The following VPS37D variants were observed in gnomAD, a reference collection of about 807,000 sequenced individuals.
VPS37D encodes VPS37D subunit of ESCRT-I, also known as vacuolar protein sorting-associated protein 37D.
In VPS37D, 5 loss-of-function variants were observed where a neutral mutation model predicts 22.0. The observed-to-expected ratio is 0.23, with a 90% CI of 0.12 to 0.48. The LOEUF is 0.48. Ranked by LOEUF, VPS37D falls within the 20% of genes least tolerant of loss-of-function variation. VPS37D has a pLI of 0.99. For synonymous variants in VPS37D, 174 were observed against 159.3 expected (o/e 1.09, Z -0.69); for missense variants, 384 against 345.8 (o/e 1.11, Z -0.88).
At chr7:73,667,255 T>C (rs1273121271), upstream of VPS37D, among the ~76,000 whole-genome samples, 3 of 152,048 alleles carry the variant, frequency 2.0e-5, no homozygotes, top group Admixed American at 6.6e-5. Context: ...ATTACAGGCG[T>C]GAGCCACCGC....
At position 73,667,887 on chromosome 7, in the gene VPS37D, C is replaced by T; in HGVS notation, c.-72C>T. On this transcript the variant is annotated 5_prime_UTR_variant, in exon 1 of 4. Coordinates refer to ENST00000324941, the MANE Select transcript of VPS37D (RefSeq NM_001077621.2). ...ATCCTGGAGCCGGAGCGGAGCGGAGCGGAGCGGAGCCGGGGCGGAGCGGGC... is the reference window on the plus strand; with the variant it reads ...ATCCTGGAGCCGGAGCGGAGCGGAGTGGAGCGGAGCCGGGGCGGAGCGGGC... 4.1e-6 allele frequency: 2 copies of T among 486,814 alleles called. No individual in the cohort carries two copies. The highest frequency in any genetic ancestry group is 5.4e-6 in the Non-Finnish European group (2 of 372,180). The allele number at this position is 486,814 out of a possible 1,614,324, so 30.2% of individuals were successfully genotyped here. A position where few individuals can be genotyped will look rare whatever the true frequency, so the allele number is the denominator to read the frequency against.
chr7:73,667,806 A>T, upstream of VPS37D: 2 of 175,370 alleles, frequency 1.1e-5, no homozygotes, highest in Non-Finnish European at 2.2e-5. Context: ...CTCCTTTAAG[A>T]GCGGGAGGGG....
Position 73,671,536 on chromosome 7 carries a change from AAGAGGCCCG to A in VPS37D, c.*166_*174del, listed in dbSNP as rs1797516574. On this transcript the variant is annotated 3_prime_UTR_variant, in exon 4 of 4. Coordinates refer to ENST00000324941, the MANE Select transcript of VPS37D (RefSeq NM_001077621.2). The stretch of plus-strand genomic sequence containing the variant: ...TGAGCTGGGGAGGAGGGTCCCCTGG[AAGAGGCCCG>A]AGAGGGGGCTGGGGGTGGGTGGGCA... 3.7e-6 allele frequency: 1 copy of A among 270,930 alleles called. No homozygotes were observed. Among genetic ancestry groups the A allele is most frequent in the African/African-American group, 2.3e-5 (1 of 43,802 alleles). The allele number at this position is 270,930 out of a possible 1,614,324, so 16.8% of individuals were successfully genotyped here.
intron 2 of VPS37D, 60 bp from the exon 3 acceptor site, chr7:73,669,960 G>A (rs944526629): frequency 1.7e-5 from 26 of 1,550,530 alleles, no homozygotes; most frequent in East Asian, 2.4e-5. Context: ...TGGGGTCAGC[G>A]GGAGAGTGCA....
chr7:73,668,390 G>C (rs564742672), intron 1 of VPS37D, among the ~76,000 whole-genome samples: 9 of 152,062 alleles, frequency 5.9e-5, no homozygotes, highest in Non-Finnish European at 1.2e-4. Flanking sequence ...GCTGTGTTGT[G>C]GGGGGCCCTG....
Position 73,671,200 on chromosome 7 carries a change from C to T in VPS37D, c.580C>T (p.Pro194Ser), listed in dbSNP as rs1043189530. Residue 194 changes from proline to serine, a missense_variant, in exon 4 of 4, where the codon CCG becomes TCG. Coordinates refer to ENST00000324941, the MANE Select transcript of VPS37D (RefSeq NM_001077621.2). ...GGCTGCTGATCCCCCCAAATCCTTC[C>T]CGGCTGCAGCTGTCCTGCCCACTGG... ...TSAADPPKSF[P>S]AAAVLPTGAA... is the part of the protein sequence containing the mutation. 2.5e-6 allele frequency: 4 copies of T among 1,593,520 alleles called. No individual in the cohort carries two copies. In the Admixed American group the frequency reaches 5.1e-5, roughly 20 times the overall value.
intron 1 of VPS37D, 55 bp from the exon 2 acceptor site, chr7:73,669,364 A>G: frequency 1.3e-6 from 2 of 1,490,940 alleles, no homozygotes; most frequent in Middle Eastern, 2.4e-4. Context: ...ACGGGGCAGT[A>G]GGGTGGACAG....
At chr7:73,665,559 A>G (rs1435687109), upstream of VPS37D, among the ~76,000 whole-genome samples, 4 of 152,164 alleles carry the variant, frequency 2.6e-5, no homozygotes, top group East Asian at 1.9e-4. Context: ...TTTAAAAAAA[A>G]GTAGAAGTGT....
intron 1 of VPS37D, 62 bp from the exon 2 acceptor site, chr7:73,669,357 G>A: frequency 6.7e-7 from 1 of 1,481,718 alleles, no homozygotes; most frequent in Non-Finnish European, 9.0e-7. Context: ...AGGGTGGACG[G>A]GGCAGTAGGG....
Position 73,671,322 on chromosome 7 carries a change from C to A in VPS37D, c.702C>A (p.Gly234=). 1 of 1,380,770 alleles carries A rather than the reference C, an allele frequency of 7.2e-7. No homozygotes were observed. The highest frequency in any genetic ancestry group is 2.9e-5 in the East Asian group (1 of 34,900). The allele number at this position is 1,380,770 out of a possible 1,614,324, so 85.5% of individuals were successfully genotyped here. A position where few individuals can be genotyped will look rare whatever the true frequency, so the allele number is the denominator to read the frequency against. ...PLKGSPGCPL[G]PAPLLSPRPS... is the part of the protein sequence containing the mutation. ...AGGGCTCCCCCGGGTGCCCCCTCGG[C>A]CCGGCCCCCCTGCTGAGCCCTCGGC... The change falls in exon 4 of 4, where the codon GGC becomes GGA. Residue 234 remains glycine, a synonymous_variant. Transcript: ENST00000324941.
At chr7:73,669,036 T>C (rs1025058947) in intron 1 of VPS37D, among the ~76,000 whole-genome samples, 20 of 151,820 alleles carry the variant, frequency 1.3e-4, no homozygotes, top group Non-Finnish European at 2.9e-4. Context: ...TGTCCATGCA[T>C]GGAAAATGGG....
chr7:73,671,146 G>A lies in VPS37D; in HGVS notation c.526G>A (p.Glu176Lys), dbSNP rs1554609665. The part of the protein sequence containing the change: ...EKLQELLRRR[E>K]RSAQPAPTSA... ...GCTGCAGGAGCTGCTGCGGCGTCGG[G>A]AGCGTTCTGCCCAGCCGGCCCCCAC... is the stretch of plus-strand genomic sequence containing the variant. Residue 176 changes from glutamate to lysine, a missense_variant, in exon 4 of 4, where the codon GAG (glutamate) becomes AAG (lysine). Coordinates refer to ENST00000324941, the MANE Select transcript of VPS37D (RefSeq NM_001077621.2). The A allele has an allele frequency of 6.2e-7, 1 of 1,607,022 alleles. No homozygotes were observed. The highest frequency in any genetic ancestry group is 1.7e-5 in the Admixed American group (1 of 59,778).
rs1797415629 is a variant in VPS37D at position 73,667,896 on chromosome 7, GC to G, written c.-61del. The G allele has an allele frequency of 1.4e-5, 8 of 588,628 alleles. No individual in the cohort carries two copies. The highest frequency in any genetic ancestry group is 4.1e-5 in the African/African-American group (2 of 49,286). 36.5% of individuals were successfully genotyped at this position (588,628 alleles called of 1,614,324 possible). A position where few individuals can be genotyped will look rare whatever the true frequency, so the allele number is the denominator to read the frequency against. On this transcript the variant is annotated 5_prime_UTR_variant, in exon 1 of 4. Transcript: ENST00000324941. ...CCGGAGCGGAGCGGAGCGGAGCGGAGCCGGGGCGGAGCGGGCCGAGCGGGCC... is the reference window on the plus strand; with the variant it reads ...CCGGAGCGGAGCGGAGCGGAGCGGAGCGGGGCGGAGCGGGCCGAGCGGGCC...
chr7:73,670,959 A>C, intron 3 of VPS37D, 55 bp from the exon 4 acceptor site: 1 of 1,582,286 alleles, frequency 6.3e-7, no homozygotes, highest in Non-Finnish European at 8.6e-7. Flanking sequence ...AGTGAGGACC[A>C]GTCCCCAGTC....
At chr7:73,665,386 G>A (rs542017603), upstream of VPS37D, among the ~76,000 whole-genome samples, 2 of 152,062 alleles carry the variant, frequency 1.3e-5, no homozygotes, top group East Asian at 1.9e-4. Flanking sequence ...GACAGAGGGA[G>A]ACTCTGTCTA....
chr7:73,666,399 T>C (rs569958417), upstream of VPS37D, among the ~76,000 whole-genome samples: 2 of 152,216 alleles, frequency 1.3e-5, no homozygotes, highest in African/African-American at 4.8e-5. Flanking sequence ...AATGTGACTT[T>C]GGGGAGGCGA....
Position 73,671,331 on chromosome 7 carries a change from C to G in VPS37D, c.711C>G (p.Pro237=). The part of the protein sequence containing the change: ...GSPGCPLGPA[P]LLSPRPSQPE... The stretch of plus-strand genomic sequence containing the variant: ...CCGGGTGCCCCCTCGGCCCGGCCCC[C>G]CTGCTGAGCCCTCGGCCCTCGCAGC... Residue 237 remains proline (P), a synonymous_variant, in exon 4 of 4, where the codon CCC becomes CCG. Coordinates refer to ENST00000324941, the MANE Select transcript of VPS37D (RefSeq NM_001077621.2). The G allele has an allele frequency of 7.3e-7, 1 of 1,378,924 alleles. No homozygotes were observed. Among genetic ancestry groups the G allele is most frequent in the Non-Finnish European group, 9.4e-7 (1 of 1,064,626 alleles). The allele number at this position is 1,378,924 out of a possible 1,614,324, so 85.4% of individuals were successfully genotyped here.
upstream of VPS37D, among the ~76,000 whole-genome samples, chr7:73,665,933 C>T (rs1797363815): frequency 6.6e-6 from 1 of 152,148 alleles, no homozygotes; most frequent in African/African-American, 2.4e-5. Flanking sequence ...TCACTGCAGC[C>T]TCAACCTCCT....
At chr7:73,667,621 G>A (rs1272821147), upstream of VPS37D, among the ~76,000 whole-genome samples, 2 of 152,184 alleles carry the variant, frequency 1.3e-5, no homozygotes, top group Admixed American at 1.3e-4. Context: ...GCCTGGGGGC[G>A]TGGTGAGCCA....
Sources: gnomAD v4.1 joint callset for allele counts (sites outside exome capture counted in the v4.1 genomes callset) on GRCh38, gnomAD v4.1.1 for gene constraint, MANE v1.5 for transcripts, NCBI Gene and HGNC (gene_info 2026-07-23, HGNC 2026-07-21) for gene names.